Variants in APBB2 observed in about 807,000 individuals in gnomAD.
APBB2 encodes amyloid beta precursor protein binding family B member 2, also known as Fe65-like 1.
A neutral mutation model predicts 82.5 loss-of-function variants in APBB2; 38 were observed. The ratio of observed to expected loss-of-function variants is 0.46; its 90% CI spans 0.36 to 0.60. The LOEUF (loss-of-function observed/expected upper bound fraction) is 0.60, where lower values mean the gene tolerates loss of function less well. Among genes scored for constraint, APBB2 ranks in the 20% least tolerant of loss-of-function variants. APBB2 has a pLI of 0.00. For synonymous variants in APBB2, 341 were observed against 368.2 expected (o/e 0.93, Z 0.85); for missense variants, 772 against 972.3 (o/e 0.79, Z 2.74).
intron 12 of APBB2, among the ~76,000 whole-genome samples, chr4:40,857,478 C>CT (rs1761650508): frequency 6.6e-6 from 1 of 151,990 alleles, no homozygotes; most frequent in East Asian, 1.9e-4. Flanking sequence ...GGTTTCTTTT[C>CT]TTTTCTTCTT....
Position 40,811,035 on chromosome 4 carries a change from T to G in APBB2, c.*5057A>C, listed in dbSNP as rs1412003884. On this transcript the variant is annotated 3_prime_UTR_variant, in exon 18 of 18. Transcript: ENST00000508593. ...TGTTGTCTCATTGTTATGGAATAGT[T>G]TAGGATAATTTTCTGATCTCTACAG... is the stretch of plus-strand genomic sequence containing the variant. The G allele has an allele frequency of 6.6e-6, 1 of 152,202 alleles. No homozygotes were observed. Among genetic ancestry groups the G allele is most frequent in the Non-Finnish European group, 1.5e-5 (1 of 68,038 alleles). The allele number at this position is 152,202 out of a possible 1,614,324, so 9.4% of individuals were successfully genotyped here.
intron 3 of APBB2, among the ~76,000 whole-genome samples, chr4:41,095,127 G>A (rs1211388933): frequency 1.3e-5 from 2 of 152,196 alleles, no homozygotes; most frequent in Non-Finnish European, 2.9e-5. Context: ...TTACAGTGGT[G>A]GGTTCAAGTA....
intron 12 of APBB2, among the ~76,000 whole-genome samples, chr4:40,833,443 C>T: frequency 6.6e-6 from 1 of 152,218 alleles, no homozygotes; most frequent in Non-Finnish European, 1.5e-5. Context: ...AGCGCACGCC[C>T]ATCTACTCAG....
chr4:40,923,572 C>G (rs1208496830), intron 10 of APBB2, among the ~76,000 whole-genome samples: 1 of 152,222 alleles, frequency 6.6e-6, no homozygotes, highest in Non-Finnish European at 1.5e-5. Flanking sequence ...ACCCACCAGG[C>G]CAGGTTCACA....
chr4:41,049,057 G>A (rs1210745924), intron 4 of APBB2, among the ~76,000 whole-genome samples: 5 of 152,144 alleles, frequency 3.3e-5, no homozygotes, highest in East Asian at 2.0e-4. Flanking sequence ...CCAAAGTGCC[G>A]AGATTGCAGC....
chr4:40,835,968 T>G (rs539603398), intron 12 of APBB2, among the ~76,000 whole-genome samples: 2 of 150,882 alleles, frequency 1.3e-5, no homozygotes, highest in East Asian at 1.9e-4. Flanking sequence ...ATCACTGGAG[T>G]GGGGGAGGGA....
chr4:41,002,071 T>C (rs1373921143), intron 6 of APBB2, among the ~76,000 whole-genome samples: 1 of 152,104 alleles, frequency 6.6e-6, no homozygotes, highest in African/African-American at 2.4e-5. Context: ...CAAATCTGTT[T>C]GAATATGAAG....
intron 10 of APBB2, among the ~76,000 whole-genome samples, chr4:40,911,735 T>A (rs1778614327): frequency 6.6e-6 from 1 of 151,954 alleles, no homozygotes; most frequent in Admixed American, 6.6e-5. Context: ...GTGTCTGCAG[T>A]CCTCATAAGT....
At position 40,830,581 on chromosome 4, in the gene APBB2, T is replaced by C. The variant is rs1751528197; in HGVS notation, c.1530-4A>G. 3.2e-6 allele frequency: 5 copies of C among 1,580,062 alleles called. No individual in the cohort carries two copies. The highest frequency in any genetic ancestry group is 4.4e-6 in the Non-Finnish European group (5 of 1,149,052). Reference sequence around the variant, plus strand: ...TCTTGCTACATAAGCAAAATCCCTGTGCAAGCAAAATGTATCAGTCCATTA... The same window carrying C: ...TCTTGCTACATAAGCAAAATCCCTGCGCAAGCAAAATGTATCAGTCCATTA... On this transcript the variant is annotated splice_region_variant and splice_polypyrimidine_tract_variant and intron_variant, in intron 12 of 17. Transcript: ENST00000508593.
chr4:40,887,292 C>T (rs1420107750), intron 12 of APBB2, among the ~76,000 whole-genome samples: 1 of 152,168 alleles, frequency 6.6e-6, no homozygotes, highest in African/African-American at 2.4e-5. Context: ...AATTACGTGG[C>T]TCAGGGAAGC....
At chr4:41,138,565 A>G (rs1469763860) in intron 2 of APBB2, among the ~76,000 whole-genome samples, 2 of 152,228 alleles carry the variant, frequency 1.3e-5, no homozygotes, top group East Asian at 3.8e-4. Flanking sequence ...ATTTCTCCAA[A>G]GAAGATATAG....
At chr4:41,048,829 C>G (rs975749087) in intron 4 of APBB2, among the ~76,000 whole-genome samples, 1 of 152,296 alleles carries the variant, frequency 6.6e-6, no homozygotes, top group East Asian at 1.9e-4. Flanking sequence ...CGCGCTGCCA[C>G]GCCGGACTAG....
intron 12 of APBB2, among the ~76,000 whole-genome samples, chr4:40,856,773 TC>T (rs1012887009): frequency 2.0e-4 from 30 of 151,948 alleles, no homozygotes; most frequent in South Asian, 4.2e-4. Context: ...CAAGGACGCC[TC>T]CCCCCCATTT....
At chr4:40,847,114 A>T (rs1312691571) in intron 12 of APBB2, among the ~76,000 whole-genome samples, 1 of 152,174 alleles carries the variant, frequency 6.6e-6, no homozygotes, top group Admixed American at 6.5e-5. Flanking sequence ...TTCTACCTGA[A>T]CTGTGAAACC....
At chr4:41,022,801 G>C (rs1261296442) in intron 5 of APBB2, among the ~76,000 whole-genome samples, 3 of 152,088 alleles carry the variant, frequency 2.0e-5, no homozygotes, top group African/African-American at 7.2e-5. Flanking sequence ...AAAATGTCTA[G>C]ACAGAATTTC....
At chr4:41,040,492 T>C (rs2154447058) in intron 4 of APBB2, among the ~76,000 whole-genome samples, 1 of 152,290 alleles carries the variant, frequency 6.6e-6, no homozygotes, top group Non-Finnish European at 1.5e-5. Flanking sequence ...AGCAACCCTA[T>C]GAAAAAGATA....
chr4:41,062,984 G>T (rs939772203), intron 4 of APBB2, among the ~76,000 whole-genome samples: 58 of 152,168 alleles, frequency 3.8e-4, no homozygotes, highest in African/African-American at 8.4e-4. Flanking sequence ...GAAAAAAGGA[G>T]CAAGTCCACA....
chr4:40,923,642 C>T (rs940898648), intron 10 of APBB2, among the ~76,000 whole-genome samples: 3 of 152,254 alleles, frequency 2.0e-5, no homozygotes, highest in African/African-American at 7.2e-5. Flanking sequence ...GGCTGGTGCC[C>T]ATTTCCTCAC....
In APBB2 at chr4:40,837,734, G is replaced by A. The variant is rs547081965; in HGVS notation, c.1530-7157C>T. Among the ~76,000 whole-genome samples, 8 of 152,348 alleles carry A rather than the reference G, an allele frequency of 5.3e-5. No homozygotes were observed. The East Asian group carries it at 1.5e-3, about 29-fold the overall frequency. On this transcript the variant is annotated intron_variant, in intron 12 of 17. Coordinates refer to ENST00000508593, the MANE Select transcript of APBB2 (RefSeq NM_004307.2). ...AGTCTCACTCCATTTAACGCCTGCA[G>A]TCATGAGAATCATTGCGTTTTCTTT...
Sources: allele counts gnomAD v4.1 joint callset (sites outside exome capture counted in the v4.1 genomes callset), GRCh38; gene constraint gnomAD v4.1.1; transcripts MANE v1.5; gene names NCBI Gene and HGNC (gene_info 2026-07-23, HGNC 2026-07-21).